Variants in PTDSS1 observed in about 807,000 individuals in gnomAD.
PTDSS1 encodes phosphatidylserine synthase 1, also known as PSS-1.
In PTDSS1, 45 loss-of-function variants were observed where a neutral mutation model predicts 70.5. That is an observed-to-expected ratio of 0.64 (90% CI 0.50 to 0.82). PTDSS1 has a LOEUF of 0.82. Ranked by LOEUF, PTDSS1 falls within the 40% of genes least tolerant of loss-of-function variation. The probability of loss-of-function intolerance (pLI) is 0.00; values close to 1 mark genes in which losing one functional copy is unlikely to be tolerated. For missense variants in PTDSS1, 417 were observed against 586.1 expected (o/e 0.71, Z 2.98); for synonymous variants, 188 against 203.8 (o/e 0.92, Z 0.66).
chr8:96,273,226 G>A (rs1810591311), intron 1 of PTDSS1, 73 bp from the exon 2 acceptor site: 1 of 1,119,180 alleles, frequency 8.9e-7, no homozygotes, highest in African/African-American at 1.6e-5. Context: ...TTTAGAACAT[G>A]GAAATCTTCC....
At chr8:96,302,343 T>C (rs1034121259) in intron 6 of PTDSS1, among the ~76,000 whole-genome samples, 3 of 151,896 alleles carry the variant, frequency 2.0e-5, no homozygotes, top group Non-Finnish European at 2.9e-5. Context: ...CTTTTTAATA[T>C]ATTTAAGGCA....
At chr8:96,298,641 C>G (rs1811008623) in intron 5 of PTDSS1, among the ~76,000 whole-genome samples, 2 of 152,176 alleles carry the variant, frequency 1.3e-5, no homozygotes, top group Admixed American at 1.3e-4. Flanking sequence ...TAGAAGCCCT[C>G]TCCAGGAAAG....
chr8:96,274,672 C>T (rs1000826712), intron 2 of PTDSS1, among the ~76,000 whole-genome samples: 1 of 152,136 alleles, frequency 6.6e-6, no homozygotes, highest in African/African-American at 2.4e-5. Context: ...TTGCGGTGAG[C>T]CAAGATCACG....
At chr8:96,325,329 A>T (rs1039668078) in intron 10 of PTDSS1, among the ~76,000 whole-genome samples, 3 of 152,210 alleles carry the variant, frequency 2.0e-5, no homozygotes, top group Non-Finnish European at 4.4e-5. Flanking sequence ...CATGCAAACT[A>T]ATTATGTTAA....
chr8:96,289,888 T>G (rs561145555), intron 4 of PTDSS1, among the ~76,000 whole-genome samples: 61 of 152,310 alleles, frequency 4.0e-4, no homozygotes, highest in African/African-American at 1.5e-3. Context: ...GTTTTGGAAT[T>G]TTTTTACTCT....
Position 96,304,196 on chromosome 8 carries a change from G to A in PTDSS1, c.894+15G>A. 6 of 1,589,326 alleles carry A rather than the reference G, an allele frequency of 3.8e-6. No individual in the cohort carries two copies. Among genetic ancestry groups the A allele is most frequent in the Non-Finnish European group, 4.3e-6 (5 of 1,172,634 alleles). On this transcript the variant is annotated intron_variant, in intron 7 of 12. Coordinates refer to ENST00000517309, the MANE Select transcript of PTDSS1 (RefSeq NM_014754.3). ...TCATCTGGCAGGTATTTTTTCAGAT[G>A]CCCAGAAGTTGGGAGGAAAACAAAA...
intron 8 of PTDSS1, among the ~76,000 whole-genome samples, chr8:96,306,957 G>A (rs1811133067): frequency 6.6e-6 from 1 of 152,150 alleles, no homozygotes; most frequent in Non-Finnish European, 1.5e-5. Flanking sequence ...ATTATTTTTT[G>A]AATGAGACTT....
intron 4 of PTDSS1, among the ~76,000 whole-genome samples, chr8:96,289,097 G>A (rs1434485277): frequency 6.6e-6 from 1 of 151,792 alleles, no homozygotes; most frequent in Non-Finnish European, 1.5e-5. Flanking sequence ...ACTACGCCTG[G>A]CTAATTTTTC....
intron 9 of PTDSS1, 151 bp downstream of exon 9, chr8:96,309,773 A>C (rs112370624): frequency 8.2e-6 from 4 of 490,352 alleles, no homozygotes; most frequent in South Asian, 3.9e-5. Context: ...ATATCTATAT[A>C]TACATAGATA....
chr8:96,273,834 A>G (rs1810601776), intron 2 of PTDSS1, among the ~76,000 whole-genome samples: 1 of 152,222 alleles, frequency 6.6e-6, no homozygotes, highest in African/African-American at 2.4e-5. Flanking sequence ...AGTTGTCCCA[A>G]GTGATCTTTT....
intron 2 of PTDSS1, among the ~76,000 whole-genome samples, chr8:96,276,044 G>A (rs188373850): frequency 1.6e-4 from 24 of 152,310 alleles, no homozygotes; most frequent in Non-Finnish European, 1.5e-4. Flanking sequence ...CTTGACCTGT[G>A]TTATTTGTTG....
At chr8:96,307,863 AT>A (rs1811148188) in intron 8 of PTDSS1, among the ~76,000 whole-genome samples, 1 of 152,250 alleles carries the variant, frequency 6.6e-6, no homozygotes, top group Non-Finnish European at 1.5e-5. Flanking sequence ...ACATTCCAAA[AT>A]AAAAACTAGA....
chr8:96,290,757 C>T (rs1810891687), intron 4 of PTDSS1, among the ~76,000 whole-genome samples: 1 of 151,592 alleles, frequency 6.6e-6, no homozygotes, highest in African/African-American at 2.4e-5. Flanking sequence ...GCTACCCATT[C>T]CTAATCTTGA....
chr8:96,291,562 T>C (rs990812115), intron 4 of PTDSS1, among the ~76,000 whole-genome samples: 2 of 151,886 alleles, frequency 1.3e-5, no homozygotes, highest in African/African-American at 2.4e-5. Context: ...TTATTCAAAA[T>C]AGGATCCAGA....
In PTDSS1 at chr8:96,315,235, A is replaced by T. The variant is rs73277952; in HGVS notation, c.1074-5011A>T. On this transcript the variant is annotated intron_variant, in intron 9 of 12. Coordinates refer to ENST00000517309, the MANE Select transcript of PTDSS1 (RefSeq NM_014754.3). The stretch of plus-strand genomic sequence containing the variant: ...GGTCATTGAGTTAACATGGATACAC[A>T]TCTCATTTCCACTATTGGAGGCTGG... Among the ~76,000 whole-genome samples, 558 of 152,302 alleles carry T rather than the reference A, an allele frequency of 3.7e-3. 2 individuals carry two copies. Among genetic ancestry groups the T allele is most frequent in the African/African-American group, 0.012 (506 of 41,584 alleles).
rs755497427 is a variant in PTDSS1 at position 96,276,732 on chromosome 8, C to T, written c.271+3342C>T. On this transcript the variant is annotated intron_variant, in intron 2 of 12. Transcript: ENST00000517309. The stretch of plus-strand genomic sequence containing the variant: ...TGTCTCCTGCTGTTTCTCTTTTTTT[C>T]TGTCAGTCTCTGGCTTGTCTTTTCC... 6.7e-4 allele frequency among the ~76,000 whole-genome samples: 102 copies of T among 152,160 alleles called. 1 individual carries two copies. The highest frequency in any genetic ancestry group is 3.4e-3 in the Middle Eastern group (1 of 294).
At chr8:96,281,747 A>G (rs1810740460) in intron 2 of PTDSS1, among the ~76,000 whole-genome samples, 1 of 152,144 alleles carries the variant, frequency 6.6e-6, no homozygotes. Flanking sequence ...GTGAAAGTTC[A>G]TAGGAAAGTC....
intron 5 of PTDSS1, among the ~76,000 whole-genome samples, chr8:96,296,696 G>A (rs569163645): frequency 3.9e-5 from 6 of 152,158 alleles, no homozygotes; most frequent in Admixed American, 6.5e-5. Context: ...ACAACAAACC[G>A]GGAAAGGCGG....
At chr8:96,326,734 CTG>C (rs1195159209) in intron 10 of PTDSS1, among the ~76,000 whole-genome samples, 1 of 152,190 alleles carries the variant, frequency 6.6e-6, no homozygotes, top group Non-Finnish European at 1.5e-5. Context: ...GTGGTCTGAT[CTG>C]TGTCTCATGG....
Sources: allele counts gnomAD v4.1 joint callset (sites outside exome capture counted in the v4.1 genomes callset), GRCh38; gene constraint gnomAD v4.1.1; transcripts MANE v1.5; gene names NCBI Gene and HGNC (gene_info 2026-07-23, HGNC 2026-07-21).